Variants in COL10A1 observed in about 807,000 individuals in gnomAD.
COL10A1 encodes the protein collagen alpha-1(X) chain.
In COL10A1, 10 loss-of-function variants were observed where a neutral mutation model predicts 18.2. That is an observed-to-expected ratio of 0.55 (90% CI 0.34 to 0.93). COL10A1 has a LOEUF of 0.93. COL10A1 is among the 40% of genes least tolerant of loss of function. The probability of loss-of-function intolerance (pLI) is 0.02; values close to 1 mark genes in which losing one functional copy is unlikely to be tolerated. For missense variants in COL10A1, 897 were observed against 853.5 expected, an observed-to-expected ratio of 1.05 and a Z score of -0.64; for synonymous variants, 330 against 316.6, an observed-to-expected ratio of 1.04 and a Z score of -0.45.
At chr6:116,173,263 C>A in the COL10A1 span, among the ~76,000 whole-genome samples, 1 of 152,320 alleles carries the variant, frequency 6.6e-6, no homozygotes, top group East Asian at 1.9e-4. Flanking sequence ...ACACATGGAG[C>A]TGCTCCACGT....
the COL10A1 span, among the ~76,000 whole-genome samples, chr6:116,166,995 A>G: frequency 1.1e-4 from 17 of 152,248 alleles, no homozygotes; most frequent in South Asian, 1.4e-3. Context: ...ACAGAGTTGC[A>G]TATTAGGCCT....
chr6:116,174,688 A>G, the COL10A1 span, among the ~76,000 whole-genome samples: 1 of 152,168 alleles, frequency 6.6e-6, no homozygotes, highest in African/African-American at 2.4e-5. Flanking sequence ...TTATACAGGT[A>G]CTTGTTTTCT....
rs1347090165 is a variant in COL10A1, at chr6:116,139,637, A to T, written c.-15-14130T>A. On this transcript the variant is annotated intron_variant, in intron 1 of 1. Coordinates refer to the COL10A1 transcript ENST00000418500. ...TTTTAAAATTTGGTTGTTTTACTTT[A>T]TGGCACTTTACGATCTAGTTTTTTG... Among the ~76,000 whole-genome samples, 5 of 152,274 alleles carry T rather than the reference A, an allele frequency of 3.3e-5. No individual in the cohort carries two copies. The East Asian group carries it at 9.6e-4, about 29-fold the overall frequency.
At chr6:116,159,116 A>G (rs1780272726), upstream of COL10A1, among the ~76,000 whole-genome samples, 1 of 152,198 alleles carries the variant, frequency 6.6e-6, no homozygotes, top group South Asian at 2.1e-4. Flanking sequence ...ATGGAATTCC[A>G]CAGAAGGATA....
At chr6:116,209,249 A>G in the COL10A1 span, among the ~76,000 whole-genome samples, 1 of 152,014 alleles carries the variant, frequency 6.6e-6, no homozygotes, top group African/African-American at 2.4e-5. Context: ...CAAGGCTATT[A>G]TATTGATACT....
chr6:116,190,797 G>A, the COL10A1 span, among the ~76,000 whole-genome samples: 1 of 152,166 alleles, frequency 6.6e-6, no homozygotes, highest in African/African-American at 2.4e-5. Context: ...GGGGGCAAGT[G>A]ACAGGTCTGC....
At chr6:116,141,435 C>T (rs537884193) in intron 1 of COL10A1, among the ~76,000 whole-genome samples, 2 of 152,152 alleles carry the variant, frequency 1.3e-5, no homozygotes, top group African/African-American at 4.8e-5. Context: ...CTCCATTGTT[C>T]AAAATAATTC....
At chr6:116,164,269 G>T in the COL10A1 span, among the ~76,000 whole-genome samples, 1 of 152,072 alleles carries the variant, frequency 6.6e-6, no homozygotes, top group African/African-American at 2.4e-5. Context: ...GGGTGCTCTG[G>T]TGTTGGGTAA....
the COL10A1 span, among the ~76,000 whole-genome samples, chr6:116,181,524 A>G: frequency 6.6e-6 from 1 of 152,152 alleles, no homozygotes; most frequent in African/African-American, 2.4e-5. Context: ...ATTATAGGAT[A>G]TCTCCAAAGC....
At chr6:116,209,595 G>C in the COL10A1 span, among the ~76,000 whole-genome samples, 1 of 151,958 alleles carries the variant, frequency 6.6e-6, no homozygotes, top group Admixed American at 6.6e-5. Flanking sequence ...AGGTAACCTT[G>C]TGACAAGCTT....
In COL10A1 at chr6:116,145,217, A is replaced by G. The variant is rs73772280; in HGVS notation, c.-16+13397T>C. ...TCCTCAACAGAGGACAACTGATAAC[A>G]GCTAACTATTAAATGTCCCCAAAAG... On this transcript the variant is annotated intron_variant, in intron 1 of 1. Coordinates refer to the COL10A1 transcript ENST00000418500. 4.9e-3 allele frequency among the ~76,000 whole-genome samples: 741 copies of G among 152,300 alleles called. 12 individuals are homozygous for G. The highest frequency in any genetic ancestry group is 0.043 in the South Asian group (209 of 4,828).
chr6:116,129,284 T>C (rs937920227), upstream of COL10A1, among the ~76,000 whole-genome samples: 4 of 152,194 alleles, frequency 2.6e-5, no homozygotes, highest in African/African-American at 9.6e-5. Flanking sequence ...TATCCACATA[T>C]ATTTTTTATT....
At chr6:116,152,640 A>G (rs532617654) in intron 1 of COL10A1, among the ~76,000 whole-genome samples, 1 of 152,256 alleles carries the variant, frequency 6.6e-6, no homozygotes, top group African/African-American at 2.4e-5. Flanking sequence ...AAGACTTTGA[A>G]TGCTATAAAA....
At chr6:116,204,288 T>C in the COL10A1 span, among the ~76,000 whole-genome samples, 2 of 151,970 alleles carry the variant, frequency 1.3e-5, no homozygotes, top group South Asian at 4.1e-4. Context: ...AACAAATTGC[T>C]TTTTGGTAAT....
At chr6:116,174,668 T>G in the COL10A1 span, among the ~76,000 whole-genome samples, 2 of 152,226 alleles carry the variant, frequency 1.3e-5, no homozygotes, top group Non-Finnish European at 2.9e-5. Flanking sequence ...TTTAAAGACA[T>G]CTTCGATTTT....
intron 1 of COL10A1, among the ~76,000 whole-genome samples, chr6:116,144,082 A>G (rs1417777934): frequency 6.6e-6 from 1 of 152,190 alleles, no homozygotes; most frequent in Non-Finnish European, 1.5e-5. Flanking sequence ...GAGGATATTC[A>G]GAGTTCATGT....
the COL10A1 span, among the ~76,000 whole-genome samples, chr6:116,216,570 TGAGA>T: frequency 6.6e-6 from 1 of 151,956 alleles, no homozygotes; most frequent in African/African-American, 2.4e-5. Context: ...AGCTTTTATT[TGAGA>T]GACTTTCCAA....
chr6:116,195,297 A>G, the COL10A1 span, among the ~76,000 whole-genome samples: 1 of 152,094 alleles, frequency 6.6e-6, no homozygotes, highest in Non-Finnish European at 1.5e-5. Flanking sequence ...TTTCGCTATT[A>G]AAATTATACA....
chr6:116,207,345 C>T, the COL10A1 span, among the ~76,000 whole-genome samples: 1 of 138,140 alleles, frequency 7.2e-6, no homozygotes, highest in Non-Finnish European at 1.5e-5. Context: ...TTATGGTGGA[C>T]TTAATGTATT....
Sources: allele counts gnomAD v4.1 joint callset (sites outside exome capture counted in the v4.1 genomes callset), GRCh38; gene constraint gnomAD v4.1.1; transcripts MANE v1.5; gene names NCBI Gene and HGNC (gene_info 2026-07-23, HGNC 2026-07-21).